Variants in PRKN observed in about 807,000 individuals in gnomAD.
PRKN encodes E3 ubiquitin-protein ligase parkin.
In PRKN, 56 loss-of-function variants were observed where a neutral mutation model predicts 59.5. That is an observed-to-expected ratio of 0.94 (90% CI 0.76 to 1.18). PRKN has a LOEUF of 1.18. Ranked by LOEUF, PRKN falls within the 50% of genes most tolerant of loss-of-function variation. The pLI, the probability that PRKN is intolerant of heterozygous loss-of-function variation, is 0.00. For missense variants in PRKN, 657 were observed against 596.4 expected, an observed-to-expected ratio of 1.10 and a Z score of -1.06; for synonymous variants, 250 against 222.1, an observed-to-expected ratio of 1.13 and a Z score of -1.12.
intron 10 of PRKN, among the ~76,000 whole-genome samples, chr6:161,370,576 A>T: frequency 7.8e-6 from 1 of 128,954 alleles, no homozygotes; most frequent in African/African-American, 3.4e-5. Context: ...TGGGCGACAG[A>T]GCAAGACTCT....
chr6:161,523,081 T>C (rs900641454), intron 9 of PRKN, among the ~76,000 whole-genome samples: 1 of 152,168 alleles, frequency 6.6e-6, no homozygotes, highest in Non-Finnish European at 1.5e-5. Context: ...AAAAAAAAAC[T>C]CTAAATGCAT....
chr6:162,709,163 C>G (rs902280496), intron 1 of PRKN, among the ~76,000 whole-genome samples: 1 of 151,824 alleles, frequency 6.6e-6, no homozygotes, highest in African/African-American at 2.4e-5. Flanking sequence ...TACACTATGG[C>G]GAATTGTTAT....
Position 161,371,515 on chromosome 6 carries a change from G to A in PRKN, c.1168-11310C>T, listed in dbSNP as rs76525800. On this transcript the variant is annotated intron_variant, in intron 10 of 11. Transcript: ENST00000366898. This position sits in a 1 kb window ranked among gnomAD's most constrained non-coding sequence, Gnocchi z 5.5. ...ATCATCAGAGTGTTGGGATTTAATG[G>A]GGTGTCTAGCCAAGGGCTCCGGGGA... Among the ~76,000 whole-genome samples the A allele has an allele frequency of 0.011, 1,635 of 152,128 alleles. 34 individuals are homozygous for A. The highest frequency in any genetic ancestry group is 0.037 in the African/African-American group (1,542 of 41,478).
At chr6:162,142,004 T>G (rs780097713) in intron 4 of PRKN, among the ~76,000 whole-genome samples, 6 of 152,198 alleles carry the variant, frequency 3.9e-5, no homozygotes, top group African/African-American at 9.7e-5. Context: ...CTATTTTGAC[T>G]CATATTAAAT....
chr6:161,638,812 G>C (rs1167873930), intron 7 of PRKN, among the ~76,000 whole-genome samples: 1 of 141,560 alleles, frequency 7.1e-6, no homozygotes, highest in African/African-American at 2.7e-5. Flanking sequence ...CACGATCTCG[G>C]CTTACTGCAA....
intron 7 of PRKN, among the ~76,000 whole-genome samples, chr6:161,700,931 G>T (rs1448653998): frequency 1.3e-5 from 2 of 152,214 alleles, no homozygotes; most frequent in Non-Finnish European, 1.5e-5. Context: ...TACATGGTCA[G>T]TATGTAGCAG....
At chr6:161,531,130 C>T (rs970706402) in intron 9 of PRKN, among the ~76,000 whole-genome samples, 9 of 151,956 alleles carry the variant, frequency 5.9e-5, no homozygotes, top group African/African-American at 1.9e-4. Context: ...GCCTGTAATC[C>T]CAGCATTTTG....
chr6:161,541,838 A>C (rs1172043314), intron 9 of PRKN, among the ~76,000 whole-genome samples: 1 of 152,154 alleles, frequency 6.6e-6, no homozygotes, highest in Non-Finnish European at 1.5e-5. Flanking sequence ...AAAAAAAAAA[A>C]CAGTATAATT....
At chr6:162,623,881 G>T (rs1485910115) in intron 1 of PRKN, among the ~76,000 whole-genome samples, 1 of 152,096 alleles carries the variant, frequency 6.6e-6, no homozygotes, top group Non-Finnish European at 1.5e-5. Context: ...GGCTGAAGGT[G>T]GGGGCAGAGA....
At chr6:162,697,887 G>A (rs1401853706) in intron 1 of PRKN, among the ~76,000 whole-genome samples, 3 of 152,060 alleles carry the variant, frequency 2.0e-5, no homozygotes, top group Non-Finnish European at 4.4e-5. Flanking sequence ...TATTCAATTG[G>A]ATAAGCAATG....
At chr6:162,527,202 A>G (rs1778321490) in intron 1 of PRKN, among the ~76,000 whole-genome samples, 1 of 152,192 alleles carries the variant, frequency 6.6e-6, no homozygotes, top group Non-Finnish European at 1.5e-5. Flanking sequence ...AAGGATGAGC[A>G]CTGTTTCTGA....
At chr6:161,911,857 G>A (rs766517394) in intron 6 of PRKN, among the ~76,000 whole-genome samples, 9 of 151,988 alleles carry the variant, frequency 5.9e-5, no homozygotes, top group Non-Finnish European at 1.0e-4. Flanking sequence ...ATTCAAGTGC[G>A]AAAAATCAAA....
chr6:162,591,386 A>G (rs1486137337), intron 1 of PRKN, among the ~76,000 whole-genome samples: 1 of 152,162 alleles, frequency 6.6e-6, no homozygotes, highest in Non-Finnish European at 1.5e-5. Context: ...TCACGGATAC[A>G]TAATAGTTGT....
intron 5 of PRKN, among the ~76,000 whole-genome samples, chr6:162,033,351 T>G (rs775247102): frequency 6.6e-6 from 1 of 152,242 alleles, no homozygotes; most frequent in Non-Finnish European, 1.5e-5. Flanking sequence ...TTTTATTTGC[T>G]AAATGTGTTA....
In PRKN at chr6:161,413,995, G is replaced by C. The variant is rs1033102420; in HGVS notation, c.1084-27118C>G. 6.6e-6 allele frequency among the ~76,000 whole-genome samples: 1 copy of C among 152,148 alleles called. No individual in the cohort carries two copies. Among genetic ancestry groups the C allele is most frequent in the Non-Finnish European group, 1.5e-5 (1 of 68,018 alleles). Reference sequence around the variant, plus strand: ...TAACTCCAGGAAGGAAGGGGTGCCTGAGAGAAGCAGCCAGGCAGAGCGGTG... The same window carrying C: ...TAACTCCAGGAAGGAAGGGGTGCCTCAGAGAAGCAGCCAGGCAGAGCGGTG... On this transcript the variant is annotated intron_variant, in intron 9 of 11. Transcript: ENST00000366898. This position sits in a 1 kb window ranked among gnomAD's most constrained non-coding sequence, Gnocchi z 4.4.
rs375622749 is a variant in PRKN, at chr6:162,047,136, A to C, written c.618+6955T>G. ...AAGTTTTCACAATTCAATTTTGTTT[A>C]GAATTAAGAAAACATGACTGTGGGG... On this transcript the variant is annotated intron_variant, in intron 5 of 11. Coordinates refer to ENST00000366898, the MANE Select transcript of PRKN (RefSeq NM_004562.3). 4.6e-5 allele frequency among the ~76,000 whole-genome samples: 7 copies of C among 152,200 alleles called. No individual in the cohort carries two copies. In the South Asian group the frequency reaches 1.2e-3, roughly 27 times the overall value.
chr6:162,437,197 T>G (rs1038815490), intron 2 of PRKN, among the ~76,000 whole-genome samples: 5 of 152,230 alleles, frequency 3.3e-5, no homozygotes, highest in Non-Finnish European at 7.3e-5. Flanking sequence ...TCTTTAAATG[T>G]GTCTGCTAAT....
chr6:162,214,450 AG>A (rs1003713197), intron 3 of PRKN, among the ~76,000 whole-genome samples: 8 of 152,142 alleles, frequency 5.3e-5, no homozygotes, highest in Non-Finnish European at 1.2e-4. Context: ...AGCACATGAA[AG>A]GTGGTTCCTG....
At chr6:162,092,294 C>T (rs551439419) in intron 4 of PRKN, among the ~76,000 whole-genome samples, 4 of 152,124 alleles carry the variant, frequency 2.6e-5, no homozygotes, top group Non-Finnish European at 4.4e-5. Context: ...GCGGAAGTTG[C>T]AGTGAGCTGA....
Sources: allele counts gnomAD v4.1 joint callset (sites outside exome capture counted in the v4.1 genomes callset), GRCh38; gene constraint gnomAD v4.1.1; non-coding constraint Gnocchi (gnomAD v3.1); transcripts MANE v1.5; gene names NCBI Gene and HGNC (gene_info 2026-07-23, HGNC 2026-07-21).